Variants in PRPF40B observed in about 807,000 individuals in gnomAD.
PRPF40B encodes the protein pre-mRNA processing factor 40B, also known as pre-mRNA-processing factor 40 homolog B.
A neutral mutation model predicts 124.5 loss-of-function variants in PRPF40B; 56 were observed. The observed-to-expected ratio is 0.45, with a 90% CI of 0.36 to 0.56. PRPF40B has a LOEUF of 0.56. Ranked by LOEUF, PRPF40B falls within the 20% of genes least tolerant of loss-of-function variation. The probability of loss-of-function intolerance (pLI) is 0.00; values close to 1 mark genes in which losing one functional copy is unlikely to be tolerated. For missense variants in PRPF40B, 1,053 were observed against 1,169.5 expected (o/e 0.90, Z 1.45); for synonymous variants, 443 against 426.4 (o/e 1.04, Z -0.48).
At chr12:49,632,147 T>C (rs1941286062) in intron 4 of PRPF40B, 6 of 618,214 alleles carry the variant, frequency 9.7e-6, no homozygotes. Flanking sequence ...GTTACTCACG[T>C]GCCTTGTCCA....
chr12:49,636,680 G>A, intron 15 of PRPF40B, 36 bp from the exon 16 acceptor site: 1 of 1,612,200 alleles, frequency 6.2e-7, no homozygotes, highest in Non-Finnish European at 8.5e-7. Flanking sequence ...GTATCCTGCT[G>A]GGACAATGCC....
Position 49,636,811 on chromosome 12 carries a change from G to A in PRPF40B, c.1522G>A (p.Glu508Lys). Reference sequence around the variant, plus strand: ...GGAACGGGAGCGGGCCCGGCTTCGGGAGCGACGCCAACAACGCAAGAATCG... The same window carrying A: ...GGAACGGGAGCGGGCCCGGCTTCGGAAGCGACGCCAACAACGCAAGAATCG... The part of the protein sequence containing the change: ...EEERERARLR[E>K]RRQQRKNREA... The change falls in exon 16 of 26, where the codon GAG becomes AAG. Residue 508 changes from glutamate to lysine, a missense_variant. Transcript: ENST00000548825. 6.2e-7 allele frequency: 1 copy of A among 1,614,194 alleles called. No individual in the cohort carries two copies. Among genetic ancestry groups the A allele is most frequent in the Non-Finnish European group, 8.5e-7 (1 of 1,180,040 alleles).
rs1941466058 is a variant in PRPF40B at position 49,633,679 on chromosome 12, C to T, written c.605+18C>T. Reference sequence around the variant, plus strand: ...GCTGCAGGGTGAGTGACTTGCCCACCTATCCATTTATAGTTGGGGCACCTG... The same window carrying T: ...GCTGCAGGGTGAGTGACTTGCCCACTTATCCATTTATAGTTGGGGCACCTG... On this transcript the variant is annotated intron_variant, in intron 9 of 25. Coordinates refer to ENST00000548825, the MANE Select transcript of PRPF40B (RefSeq NM_001031698.3). 6.2e-7 allele frequency: 1 copy of T among 1,614,044 alleles called. No homozygotes were observed. The highest frequency in any genetic ancestry group is 1.3e-5 in the African/African-American group (1 of 74,928).
Position 49,642,042 on chromosome 12 carries a change from G to A in PRPF40B, c.1884+18G>A, listed in dbSNP as rs767032476. 5 of 1,610,080 alleles carry A rather than the reference G, an allele frequency of 3.1e-6. No homozygotes were observed. The Admixed American group carries it at 8.3e-5, about 27-fold the overall frequency. On this transcript the variant is annotated intron_variant, in intron 19 of 25. Transcript: ENST00000548825. The surrounding 1 kb of genome is among the most constrained non-coding windows in gnomAD (Gnocchi z 5.8). The stretch of plus-strand genomic sequence containing the variant: ...TCAATAGTGTGAGGGGCTGGGCGGG[G>A]CGTGGGAAGTTCTCTAATTCATCTG...
At chr12:49,626,364 A>C (rs187557094) in intron 1 of PRPF40B, among the ~76,000 whole-genome samples, 1 of 152,358 alleles carries the variant, frequency 6.6e-6, no homozygotes, top group African/African-American at 2.4e-5. Flanking sequence ...CATGAGTGGG[A>C]GACAAGCAGT....
rs1941683148 is a variant in PRPF40B at position 49,635,470 on chromosome 12, G to A, written c.1272G>A (p.Glu424=). 3.7e-6 allele frequency: 6 copies of A among 1,612,880 alleles called. No individual in the cohort carries two copies. Among genetic ancestry groups the A allele is most frequent in the South Asian group, 1.1e-5 (1 of 90,866 alleles). ...TCCTCTTCTTCCTGGCCAAGAAGGA[G>A]AAGGTAATGGTCCCTGGGCAGAATC... ...DDVLFFLAKK[E]KEQAKQLRRR... is the part of the protein sequence containing the mutation. The change falls in exon 14 of 26, where the codon GAG becomes GAA. Residue 424 remains glutamate (E), a synonymous_variant. Transcript: ENST00000548825. This position sits in a 1 kb window ranked among gnomAD's most constrained non-coding sequence, Gnocchi z 4.1.
At chr12:49,632,687 C>G (rs1317859295) in intron 5 of PRPF40B, 64 bp downstream of exon 5, 1 of 1,602,486 alleles carries the variant, frequency 6.2e-7, no homozygotes, top group East Asian at 2.2e-5. Context: ...GGAGAGGGGA[C>G]CGTGGACTGG....
chr12:49,626,470 GTA>G (rs1158630841), intron 1 of PRPF40B, among the ~76,000 whole-genome samples: 1 of 152,322 alleles, frequency 6.6e-6, no homozygotes, highest in African/African-American at 2.4e-5. Context: ...AGGAGTGTGT[GTA>G]TGTGTGTGGG....
In PRPF40B at chr12:49,642,879, C is replaced by T. The variant is rs758687178; in HGVS notation, c.2119-51C>T. ...CAGATTTTAGGAAGTAGGATCCTTC[C>T]TGGGGCTAAGTCTGGTGCTGTCCTC... On this transcript the variant is annotated intron_variant, in intron 21 of 25. Coordinates refer to ENST00000548825, the MANE Select transcript of PRPF40B (RefSeq NM_001031698.3). The surrounding 1 kb of genome is among the most constrained non-coding windows in gnomAD (Gnocchi z 5.8). 1.0e-5 allele frequency: 16 copies of T among 1,566,674 alleles called. No homozygotes were observed. The South Asian group carries it at 1.7e-4, about 17-fold the overall frequency.
chr12:49,624,041 C>T, intron 1 of PRPF40B: 1 of 994,674 alleles, frequency 1.0e-6, no homozygotes, highest in Non-Finnish European at 1.2e-6. Context: ...CTCCTCAGAC[C>T]ACTTGGGGAC....
intron 1 of PRPF40B, among the ~76,000 whole-genome samples, chr12:49,628,174 A>G (rs1260699513): frequency 1.3e-5 from 2 of 152,196 alleles, no homozygotes; most frequent in East Asian, 3.8e-4. Context: ...AAAGCAGTTG[A>G]GCACTTAGAA....
In PRPF40B at chr12:49,631,675, G is replaced by C. The variant is rs764623515; in HGVS notation, c.228+131G>C. ...CTTTGGGCCAAACCCATGTGGATTT[G>C]TCTGCTGAATGACTGAGACAACTCT... On this transcript the variant is annotated intron_variant, in intron 3 of 25. Transcript: ENST00000548825. The surrounding 1 kb of genome is among the most constrained non-coding windows in gnomAD (Gnocchi z 4.3). 12 of 1,328,514 alleles carry C rather than the reference G, an allele frequency of 9.0e-6. No homozygotes were observed. Among genetic ancestry groups the C allele is most frequent in the Admixed American group, 1.9e-5 (1 of 53,922 alleles). 82.3% of individuals were successfully genotyped at this position (1,328,514 alleles called of 1,614,324 possible). A position where few individuals can be genotyped will look rare whatever the true frequency, so the allele number is the denominator to read the frequency against.
intron 1 of PRPF40B, among the ~76,000 whole-genome samples, chr12:49,629,608 T>C (rs750450964): frequency 1.4e-4 from 22 of 152,250 alleles, no homozygotes; most frequent in Admixed American, 7.9e-4. Context: ...AAGTCAGATA[T>C]GATCCCTGTC....
chr12:49,637,093 C>CA lies in PRPF40B; in HGVS notation c.1560+245dup, dbSNP rs974916085. 39 of 618,230 alleles carry CA rather than the reference C, an allele frequency of 6.3e-5. No individual in the cohort carries two copies. The African/African-American group carries it at 7.0e-4, about 11-fold the overall frequency. 38.3% of individuals were successfully genotyped at this position (618,230 alleles called of 1,614,324 possible). A position where few individuals can be genotyped will look rare whatever the true frequency, so the allele number is the denominator to read the frequency against. Reference sequence around the variant, plus strand: ...GAAACTGCCAGTAGAGAGCACCCTACAGGCATGACTTGGCAGCTAGGCCAT... The same window carrying CA: ...GAAACTGCCAGTAGAGAGCACCCTACAAGGCATGACTTGGCAGCTAGGCCAT... On this transcript the variant is annotated intron_variant, in intron 16 of 25. Coordinates refer to ENST00000548825, the MANE Select transcript of PRPF40B (RefSeq NM_001031698.3).
At chr12:49,632,929 G>A in intron 6 of PRPF40B, 49 bp downstream of exon 6, 1 of 1,612,794 alleles carries the variant, frequency 6.2e-7, no homozygotes, top group Non-Finnish European at 8.5e-7. Context: ...CTGAGAGTGG[G>A]GGACTGATAG....
chr12:49,636,652 G>T, intron 15 of PRPF40B, 64 bp from the exon 16 acceptor site: 2 of 1,604,104 alleles, frequency 1.2e-6, no homozygotes, highest in South Asian at 1.1e-5. Context: ...AACATTAGGG[G>T]TGCTGGGGTC....
At position 49,631,754 on chromosome 12, in the gene PRPF40B, A is replaced by C; in HGVS notation, c.229-106A>C. ...GATTGCCTGAGGAAGTGCCCAAGTG[A>C]GGGTCATGGCTCCAGTGAGATGTCT... On this transcript the variant is annotated intron_variant, in intron 3 of 25. Transcript: ENST00000548825. The surrounding 1 kb of genome is among the most constrained non-coding windows in gnomAD (Gnocchi z 4.3). 7.7e-7 allele frequency: 1 copy of C among 1,300,158 alleles called. No individual in the cohort carries two copies. Among genetic ancestry groups the C allele is most frequent in the Non-Finnish European group, 1.1e-6 (1 of 896,528 alleles). 80.5% of individuals were successfully genotyped at this position (1,300,158 alleles called of 1,614,324 possible).
chr12:49,628,594 C>T (rs1017730445), intron 1 of PRPF40B, among the ~76,000 whole-genome samples: 8 of 135,516 alleles, frequency 5.9e-5, no homozygotes, highest in South Asian at 4.9e-4. Flanking sequence ...GACGAAATCT[C>T]GCTCTGTCGC....
At chr12:49,628,900 G>A (rs987808578) in intron 1 of PRPF40B, among the ~76,000 whole-genome samples, 3 of 152,160 alleles carry the variant, frequency 2.0e-5, no homozygotes, top group African/African-American at 2.4e-5. Flanking sequence ...CATGAAGGGC[G>A]TTTTTAAATG....
Sources: allele counts gnomAD v4.1 joint callset (sites outside exome capture counted in the v4.1 genomes callset), GRCh38; gene constraint gnomAD v4.1.1; non-coding constraint Gnocchi (gnomAD v3.1); transcripts MANE v1.5; gene names NCBI Gene and HGNC (gene_info 2026-07-23, HGNC 2026-07-21).